Variants in TBC1D5 observed in about 807,000 individuals in gnomAD.
The protein encoded by TBC1D5 is TBC1 domain family member 5, also known as TBC1 domain family, member 5.
Under a neutral mutation model 100.3 loss-of-function variants are expected in TBC1D5, and 75 were observed. The observed-to-expected ratio is 0.75, with a 90% CI of 0.62 to 0.91. The LOEUF (loss-of-function observed/expected upper bound fraction) is 0.91. Ranked by LOEUF, TBC1D5 falls within the 40% of genes least tolerant of loss-of-function variation. The pLI, the probability that TBC1D5 is intolerant of heterozygous loss-of-function variation, is 0.00. For missense variants in TBC1D5, 910 were observed against 942.4 expected (o/e 0.97, Z 0.45); for synonymous variants, 323 against 325.6 (o/e 0.99, Z 0.09).
At chr3:17,579,345 A>G (rs1175546833) in intron 2 of TBC1D5, among the ~76,000 whole-genome samples, 1 of 152,066 alleles carries the variant, frequency 6.6e-6, no homozygotes, top group African/African-American at 2.4e-5. Flanking sequence ...CCATCTTTCA[A>G]TTATTATGGG....
At chr3:17,601,000 C>A (rs1028648231) in intron 2 of TBC1D5, among the ~76,000 whole-genome samples, 2 of 152,112 alleles carry the variant, frequency 1.3e-5, no homozygotes, top group African/African-American at 4.8e-5. Flanking sequence ...GACTGATAAT[C>A]CTACTTAGAA....
At chr3:17,192,849 C>T (rs192562582) in intron 18 of TBC1D5, among the ~76,000 whole-genome samples, 13 of 152,370 alleles carry the variant, frequency 8.5e-5, no homozygotes, top group African/African-American at 2.4e-4. Flanking sequence ...GGTGTCCCAC[C>T]GCTGACGTCC....
chr3:17,734,247 T>A (rs2076789488), intron 1 of TBC1D5, among the ~76,000 whole-genome samples: 1 of 152,184 alleles, frequency 6.6e-6, no homozygotes, highest in African/African-American at 2.4e-5. Context: ...TATAAATGTT[T>A]TATATACCTA....
intron 17 of TBC1D5, among the ~76,000 whole-genome samples, chr3:17,230,040 G>A (rs142342188): frequency 6.6e-6 from 1 of 152,216 alleles, no homozygotes; most frequent in Non-Finnish European, 1.5e-5. Context: ...TGATTATACT[G>A]AACATAATGG....
At chr3:17,273,890 A>G (rs895824906) in intron 15 of TBC1D5, among the ~76,000 whole-genome samples, 1 of 151,990 alleles carries the variant, frequency 6.6e-6, no homozygotes, top group Non-Finnish European at 1.5e-5. Flanking sequence ...GAAATGCAAC[A>G]AATTGTTCAT....
At chr3:17,722,822 A>T (rs1437789316) in intron 1 of TBC1D5, among the ~76,000 whole-genome samples, 2 of 152,170 alleles carry the variant, frequency 1.3e-5, no homozygotes, top group Non-Finnish European at 2.9e-5. Flanking sequence ...TCTTCCCACT[A>T]TCCTAGGATC....
chr3:17,647,033 C>G (rs978416978), intron 1 of TBC1D5: 5 of 152,076 alleles, frequency 3.3e-5, no homozygotes, highest in African/African-American at 1.2e-4. Flanking sequence ...GGTGAAAAAA[C>G]TTTACATGTT....
At chr3:17,281,155 C>G (rs1477122812) in intron 15 of TBC1D5, among the ~76,000 whole-genome samples, 2 of 152,184 alleles carry the variant, frequency 1.3e-5, no homozygotes, top group African/African-American at 4.8e-5. Flanking sequence ...GCCACAAATC[C>G]CATTCATACA....
At chr3:17,643,537 A>T (rs565589739) in intron 1 of TBC1D5, among the ~76,000 whole-genome samples, 1 of 152,126 alleles carries the variant, frequency 6.6e-6, no homozygotes, top group South Asian at 2.1e-4. Flanking sequence ...CCTCATGGTG[A>T]TTTTCTATTT....
At chr3:17,740,873 C>G (rs1203399073) in exon 1 of TBC1D5, 1 of 152,216 alleles carries the variant, frequency 6.6e-6, no homozygotes, top group African/African-American at 2.4e-5. Flanking sequence ...CACCAAGCTT[C>G]TAATGGAAAA....
Position 17,351,826 on chromosome 3 carries a change from G to A in TBC1D5, c.995+20249C>T, listed in dbSNP as rs28720668. Reference sequence around the variant, plus strand: ...GAGAAAAGAAAGGAAAAAAAAAAAAGAGATTCCCTAGCACTACCTCCTACC... The same window carrying A: ...GAGAAAAGAAAGGAAAAAAAAAAAAAAGATTCCCTAGCACTACCTCCTACC... On this transcript the variant is annotated intron_variant, in intron 13 of 21. Coordinates refer to ENST00000253692, the Ensembl canonical transcript of TBC1D5. Among the ~76,000 whole-genome samples, 415 of 41,766 alleles carry A rather than the reference G, an allele frequency of 9.9e-3. 1 individual carries two copies. The highest frequency in any genetic ancestry group is 0.014 in the Non-Finnish European group (291 of 20,134). The allele number at this position is 41,766 out of a possible 152,430, so 27.4% of individuals were successfully genotyped here. A position where few individuals can be genotyped will look rare whatever the true frequency, so the allele number is the denominator to read the frequency against.
At chr3:17,591,306 A>G (rs2096770390) in intron 2 of TBC1D5, among the ~76,000 whole-genome samples, 2 of 146,218 alleles carry the variant, frequency 1.4e-5, no homozygotes, top group Admixed American at 7.1e-5. Context: ...ATTAATTTCC[A>G]GGCTTGAGAT....
intron 15 of TBC1D5, among the ~76,000 whole-genome samples, chr3:17,274,907 C>G (rs1402319557): frequency 1.3e-5 from 2 of 152,120 alleles, no homozygotes; most frequent in African/African-American, 4.8e-5. Flanking sequence ...GAGCTTTCAG[C>G]TTTATCAATT....
chr3:17,463,588 T>C (rs992367519), intron 3 of TBC1D5, among the ~76,000 whole-genome samples: 3 of 152,182 alleles, frequency 2.0e-5, no homozygotes, highest in African/African-American at 7.2e-5. Flanking sequence ...AATACTTAAA[T>C]ATAATATTTT....
At chr3:17,278,565 C>T (rs554273135) in intron 15 of TBC1D5, among the ~76,000 whole-genome samples, 6 of 152,142 alleles carry the variant, frequency 3.9e-5, no homozygotes, top group African/African-American at 1.4e-4. Flanking sequence ...TGATATGATT[C>T]AATATGCTTC....
intron 13 of TBC1D5, among the ~76,000 whole-genome samples, chr3:17,344,789 C>T (rs1452491952): frequency 6.6e-6 from 1 of 152,128 alleles, no homozygotes. Context: ...TGATCTTTGA[C>T]AAACCTGAGA....
Position 17,641,401 on chromosome 3 carries a change from T to C in TBC1D5, c.-100-17488A>G, listed in dbSNP as rs947852359. Among the ~76,000 whole-genome samples the C allele has an allele frequency of 5.9e-5, 9 of 152,150 alleles. No individual in the cohort carries two copies. The South Asian group carries it at 1.4e-3, about 25-fold the overall frequency. On this transcript the variant is annotated intron_variant, in intron 1 of 21. Transcript: ENST00000253692. ...AGCCAAACATCCTGCCTTTGAATCT[T>C]GGCTGCAAGATTTTGGGAAAAAAAA...
intron 1 of TBC1D5, among the ~76,000 whole-genome samples, chr3:17,684,385 G>T (rs1177904678): frequency 6.6e-6 from 1 of 152,038 alleles, no homozygotes; most frequent in Non-Finnish European, 1.5e-5. Flanking sequence ...TGTCTACAGA[G>T]GCCATTTTCA....
chr3:17,650,802 T>C (rs2065476384), intron 1 of TBC1D5, among the ~76,000 whole-genome samples: 2 of 152,218 alleles, frequency 1.3e-5, no homozygotes, highest in Non-Finnish European at 2.9e-5. Flanking sequence ...ATGTGTAAAG[T>C]GGTGAATGTA....
Sources: allele counts gnomAD v4.1 joint callset (sites outside exome capture counted in the v4.1 genomes callset), GRCh38; gene constraint gnomAD v4.1.1; transcripts MANE v1.5; gene names NCBI Gene and HGNC (gene_info 2026-07-23, HGNC 2026-07-21).